Variants in RADIL observed in about 807,000 individuals in gnomAD.
RADIL encodes Rap associating with DIL domain.
In RADIL, 99 loss-of-function variants were observed where a neutral mutation model predicts 97.6. The ratio of observed to expected loss-of-function variants is 1.01; its 90% CI spans 0.86 to 1.20. RADIL has a LOEUF of 1.20. Among genes scored for constraint, RADIL ranks in the 50% most tolerant of loss-of-function variants. The pLI is 0.00. For synonymous variants in RADIL, 803 were observed against 691.8 expected (o/e 1.16, Z -2.52); for missense variants, 1,765 against 1,498.9 (o/e 1.18, Z -2.93).
At position 4,875,141 on chromosome 7, in the gene RADIL, G is replaced by A. The variant is rs187723915; in HGVS notation, c.535+2464C>T. Among the ~76,000 whole-genome samples the A allele has an allele frequency of 9.7e-3, 1,393 of 142,960 alleles. 86 individuals are homozygous for A. Among genetic ancestry groups the A allele is most frequent in the African/African-American group, 0.039 (1,284 of 33,112 alleles). 93.8% of individuals were successfully genotyped at this position (142,960 alleles called of 152,430 possible). The stretch of plus-strand genomic sequence containing the variant: ...CGGGAGGCGGAGCTTGCAGTGAGCC[G>A]AGATTGTGCCACTGCACTCCAGCCT... On this transcript the variant is annotated intron_variant, in intron 2 of 14. Coordinates refer to ENST00000399583, the MANE Select transcript of RADIL (RefSeq NM_018059.5).
At chr7:4,864,970 T>C (rs1784097142) in intron 2 of RADIL, among the ~76,000 whole-genome samples, 1 of 152,232 alleles carries the variant, frequency 6.6e-6, no homozygotes. Context: ...CCCAACTATC[T>C]GTCTAGCCGC....
intron 2 of RADIL, among the ~76,000 whole-genome samples, chr7:4,851,950 G>A (rs947807303): frequency 6.6e-5 from 10 of 152,184 alleles, no homozygotes; most frequent in African/African-American, 2.4e-4. Context: ...AGTAGAGTCA[G>A]GGTGTTCCTC....
At chr7:4,875,261 G>GGCGCC (rs1784349101) in intron 2 of RADIL, among the ~76,000 whole-genome samples, 3 of 142,356 alleles carry the variant, frequency 2.1e-5, no homozygotes, top group Admixed American at 6.8e-5. Context: ...CGTGGTGGTG[G>GGCGCC]TGCATGCCGT....
rs1027490174 is a variant in RADIL at position 4,837,523 on chromosome 7, C to T, written c.536-918G>A. 1.3e-5 allele frequency among the ~76,000 whole-genome samples: 2 copies of T among 152,146 alleles called. No homozygotes were observed. The highest frequency in any genetic ancestry group is 4.8e-5 in the African/African-American group (2 of 41,442). On this transcript the variant is annotated intron_variant, in intron 2 of 14. Transcript: ENST00000399583. This position sits in a 1 kb window ranked among gnomAD's most constrained non-coding sequence, Gnocchi z 5.6. ...CTTCCCAAGGCTGTCTCTGATACCCCCAAGCCAAAGCAGGCACACACACAA... is the reference window on the plus strand; with the variant it reads ...CTTCCCAAGGCTGTCTCTGATACCCTCAAGCCAAAGCAGGCACACACACAA...
Position 4,799,090 on chromosome 7 carries a change from C to T in RADIL, c.*288G>A. ...ACGCCTGCTGCCCGAGTTGAGACCC[C>T]AGCAGGGCACCCTCTAAGAACGGGA... On this transcript the variant is annotated 3_prime_UTR_variant, in exon 15 of 15. Coordinates refer to ENST00000399583, the MANE Select transcript of RADIL (RefSeq NM_018059.5). 5.0e-6 allele frequency: 2 copies of T among 403,528 alleles called. No individual in the cohort carries two copies. Among genetic ancestry groups the T allele is most frequent in the South Asian group, 4.9e-5 (2 of 40,776 alleles). The allele number at this position is 403,528 out of a possible 1,614,324, so 25.0% of individuals were successfully genotyped here. A position where few individuals can be genotyped will look rare whatever the true frequency, so the allele number is the denominator to read the frequency against.
rs1244776875 is a variant in RADIL at position 4,873,313 on chromosome 7, G to A, written c.535+4292C>T. ...TGTTGAGCAACCTGGGGCTGGACTC[G>A]TTAACACAAACGTACATGGTCACAC... On this transcript the variant is annotated intron_variant, in intron 2 of 14. Coordinates refer to ENST00000399583, the MANE Select transcript of RADIL (RefSeq NM_018059.5). The surrounding 1 kb of genome is among the most constrained non-coding windows in gnomAD (Gnocchi z 4.3). 6.6e-6 allele frequency among the ~76,000 whole-genome samples: 1 copy of A among 152,120 alleles called. No individual in the cohort carries two copies. Among genetic ancestry groups the A allele is most frequent in the Non-Finnish European group, 1.5e-5 (1 of 68,020 alleles).
rs371614797 is a variant in RADIL, at chr7:4,848,567, A to C, written c.536-11962T>G. Among the ~76,000 whole-genome samples the C allele has an allele frequency of 1.8e-4, 27 of 152,330 alleles. No homozygotes were observed. The South Asian group carries it at 5.6e-3, about 32-fold the overall frequency. On this transcript the variant is annotated intron_variant, in intron 2 of 14. Coordinates refer to ENST00000399583, the MANE Select transcript of RADIL (RefSeq NM_018059.5). ...TGGACAAGCAAGAAGGACAATAATTAACTACAAAGAAAAATAAAAGTTGGA... is the reference window on the plus strand; with the variant it reads ...TGGACAAGCAAGAAGGACAATAATTCACTACAAAGAAAAATAAAAGTTGGA...
chr7:4,865,123 A>C lies in RADIL; in HGVS notation c.535+12482T>G, dbSNP rs142924647. Among the ~76,000 whole-genome samples, 604 of 152,270 alleles carry C rather than the reference A, an allele frequency of 4.0e-3. 4 individuals carry two copies. Among genetic ancestry groups the C allele is most frequent in the African/African-American group, 0.014 (574 of 41,538 alleles). On this transcript the variant is annotated intron_variant, in intron 2 of 14. Coordinates refer to ENST00000399583, the MANE Select transcript of RADIL (RefSeq NM_018059.5). ...GCTCTTCCTGCCCCACCGACTGCCCACTGCTCTCTACCTGGTTGGTGTGTT... is the reference window on the plus strand; with the variant it reads ...GCTCTTCCTGCCCCACCGACTGCCCCCTGCTCTCTACCTGGTTGGTGTGTT...
intron 2 of RADIL, among the ~76,000 whole-genome samples, chr7:4,876,695 G>A (rs1411192810): frequency 6.6e-6 from 1 of 152,230 alleles, no homozygotes; most frequent in Non-Finnish European, 1.5e-5. Flanking sequence ...AGGCCCCGGG[G>A]CTCTCAAACT....
chr7:4,803,704 CG>C lies in RADIL; in HGVS notation c.2340del (p.Ser780ArgfsTer92). The C allele has an allele frequency of 6.4e-7, 1 of 1,567,326 alleles. No individual in the cohort carries two copies. The highest frequency in any genetic ancestry group is 8.6e-7 in the Non-Finnish European group (1 of 1,156,786). On this transcript the variant is annotated frameshift_variant, in exon 11 of 15. Coordinates refer to ENST00000399583, the MANE Select transcript of RADIL (RefSeq NM_018059.5). LOFTEE classifies it high-confidence loss of function. ...GCTTCCAAGTCCACCTGGAAGCCGT[CG>C]CTGGGCAGGACGATGGGTGGGGGGT... ...YENPPPIVLP[S>X]DGFQVDLEAN...
Position 4,822,465 on chromosome 7 carries a change from T to C in RADIL, c.1544A>G (p.Glu515Gly), listed in dbSNP as rs764373903. ...TTTCTGCTGGATAAAGTACAGGAGC[T>C]CGATGGAGTTAGACATCCAGAAAAG... ...PILFWMSNSI[E>G]LLYFIQQKCP... The change falls in exon 6 of 15, where the codon GAG becomes GGG. Residue 515 changes from glutamate to glycine, a missense_variant. Glu to Gly is a moderately conservative substitution (Grantham distance 98). Coordinates refer to ENST00000399583, the MANE Select transcript of RADIL (RefSeq NM_018059.5). This position sits in a 1 kb window ranked among gnomAD's most constrained non-coding sequence, Gnocchi z 5.3. The C allele has an allele frequency of 6.2e-7, 1 of 1,613,044 alleles. No individual in the cohort carries two copies. Among genetic ancestry groups the C allele is most frequent in the Non-Finnish European group, 8.5e-7 (1 of 1,179,990 alleles).
chr7:4,833,217 T>A (rs1485901128), intron 4 of RADIL, among the ~76,000 whole-genome samples: 2 of 152,128 alleles, frequency 1.3e-5, no homozygotes, highest in Non-Finnish European at 2.9e-5. Flanking sequence ...GGCTGTGACA[T>A]GGGGTGTGGC....
rs1294688105 is a variant in RADIL, at chr7:4,861,732, T to C, written c.535+15873A>G. The C allele has an allele frequency of 8.5e-6, 13 of 1,527,052 alleles. No individual in the cohort carries two copies. The highest frequency in any genetic ancestry group is 2.3e-5 in the East Asian group (1 of 43,812). 94.6% of individuals were successfully genotyped at this position (1,527,052 alleles called of 1,614,324 possible). ...GTCTCCTTGGGGACCGCTAGACTGA[T>C]AGGCGAGGAGACGCCGTAGCGATTC... On this transcript the variant is annotated intron_variant, in intron 2 of 14. Coordinates refer to ENST00000399583, the MANE Select transcript of RADIL (RefSeq NM_018059.5).
Position 4,818,388 on chromosome 7 carries a change from C to T in RADIL, c.1616-1037G>A, listed in dbSNP as rs377199287. Among the ~76,000 whole-genome samples, 422 of 152,344 alleles carry T rather than the reference C, an allele frequency of 2.8e-3. 6 individuals are homozygous for T. The highest frequency in any genetic ancestry group is 7.5e-3 in the African/African-American group (314 of 41,592). The stretch of plus-strand genomic sequence containing the variant: ...CCCTTGGACAAGCCCCTGTCACTTT[C>T]GCTCTGCCGCTCCTGGTGCTCCTCC... On this transcript the variant is annotated intron_variant, in intron 6 of 14. Coordinates refer to ENST00000399583, the MANE Select transcript of RADIL (RefSeq NM_018059.5). The surrounding 1 kb of genome is among the most constrained non-coding windows in gnomAD (Gnocchi z 7.1).
chr7:4,800,279 A>AG lies in RADIL; in HGVS notation c.2873dup (p.Pro959SerfsTer149). ...TGGAGCTGCGGCTGGACGGGGCTGG[A>AG]GGGGACTCCTCCGCAAGGGCTGCAG... On this transcript the variant is annotated frameshift_variant, in exon 13 of 15. Transcript: ENST00000399583. LOFTEE classifies it high-confidence loss of function. The AG allele has an allele frequency of 6.6e-7, 1 of 1,519,554 alleles. No individual in the cohort carries two copies. Among genetic ancestry groups the AG allele is most frequent in the Middle Eastern group, 1.8e-4 (1 of 5,676 alleles). 94.1% of individuals were successfully genotyped at this position (1,519,554 alleles called of 1,614,324 possible). A position where few individuals can be genotyped will look rare whatever the true frequency, so the allele number is the denominator to read the frequency against.
chr7:4,881,953 C>A (rs1036121573), intron 1 of RADIL, among the ~76,000 whole-genome samples: 2 of 151,936 alleles, frequency 1.3e-5, no homozygotes, highest in Admixed American at 6.6e-5. Context: ...CACTTCCCCC[C>A]ACCCCTGCTT....
At chr7:4,805,889 G>A (rs1782289891) in intron 9 of RADIL, 173 bp from the exon 10 acceptor site, 2 of 985,224 alleles carry the variant, frequency 2.0e-6, no homozygotes, top group Non-Finnish European at 2.4e-6. Flanking sequence ...GTTCACCCCT[G>A]GCACTTCCAA....
chr7:4,803,975 A>C, intron 10 of RADIL: 2 of 632,916 alleles, frequency 3.2e-6, no homozygotes, highest in East Asian at 2.8e-5. Flanking sequence ...ACATCCGAGC[A>C]GTTCAGGACT....
At position 4,799,256 on chromosome 7, in the gene RADIL, G is replaced by A; in HGVS notation, c.*122C>T. 1.2e-6 allele frequency: 1 copy of A among 818,538 alleles called. No individual in the cohort carries two copies. The highest frequency in any genetic ancestry group is 2.0e-6 in the Non-Finnish European group (1 of 500,626). The allele number at this position is 818,538 out of a possible 1,614,324, so 50.7% of individuals were successfully genotyped here. On this transcript the variant is annotated 3_prime_UTR_variant, in exon 15 of 15. Coordinates refer to ENST00000399583, the MANE Select transcript of RADIL (RefSeq NM_018059.5). Reference sequence around the variant, plus strand: ...TGTTATCAACAGGCATGTCCCCAGGGTGAGGCTCCCCACCCGGGACCCAAC... The same window carrying A: ...TGTTATCAACAGGCATGTCCCCAGGATGAGGCTCCCCACCCGGGACCCAAC...
Sources: gnomAD v4.1 joint callset for allele counts (sites outside exome capture counted in the v4.1 genomes callset) on GRCh38, gnomAD v4.1.1 for gene constraint, Gnocchi (gnomAD v3.1) non-coding constraint, MANE v1.5 for transcripts, NCBI Gene and HGNC (gene_info 2026-07-23, HGNC 2026-07-21) for gene names.